Variants in DLG2 observed in about 807,000 individuals in gnomAD.
The protein encoded by DLG2 is discs large MAGUK scaffold protein 2.
DLG2 carries 45 observed loss-of-function variants against 132.5 expected under a neutral mutation model. The ratio of observed to expected loss-of-function variants is 0.34; its 90% CI spans 0.27 to 0.44. DLG2 has a LOEUF of 0.44. DLG2 is among the 20% of genes least tolerant of loss of function. DLG2 has a pLI of 1.00. For missense variants in DLG2, 1,045 were observed against 1,196.9 expected (o/e 0.87, Z 1.87); for synonymous variants, 424 against 419.6 (o/e 1.01, Z -0.13).
chr11:84,133,040 C>A (rs948332791), intron 9 of DLG2, among the ~76,000 whole-genome samples: 1 of 151,932 alleles, frequency 6.6e-6, no homozygotes, highest in African/African-American at 2.4e-5. Flanking sequence ...GACCAAAAGT[C>A]ATTGTAAATG....
At chr11:85,594,138 GA>G (rs1332033413) in intron 3 of DLG2, among the ~76,000 whole-genome samples, 1 of 152,004 alleles carries the variant, frequency 6.6e-6, no homozygotes, top group Non-Finnish European at 1.5e-5. Context: ...TTAGTAATAT[GA>G]AAAAAATGCT....
intron 6 of DLG2, among the ~76,000 whole-genome samples, chr11:84,840,341 C>T (rs1017812391): frequency 6.6e-6 from 1 of 152,120 alleles, no homozygotes; most frequent in Non-Finnish European, 1.5e-5. Flanking sequence ...CAGGAAACAA[C>T]AGGTGCTGGA....
At chr11:84,828,894 T>A (rs546628204) in intron 6 of DLG2, among the ~76,000 whole-genome samples, 1 of 151,840 alleles carries the variant, frequency 6.6e-6, no homozygotes, top group Admixed American at 6.6e-5. Context: ...GGCAGGACAG[T>A]CCCTATGTAC....
intron 3 of DLG2, among the ~76,000 whole-genome samples, chr11:85,538,831 G>A (rs1200865943): frequency 6.6e-6 from 1 of 151,648 alleles, no homozygotes. Flanking sequence ...TGCACACTGG[G>A]GCCTGTTGAG....
chr11:85,501,141 C>A (rs1374704026), intron 3 of DLG2, among the ~76,000 whole-genome samples: 3 of 152,126 alleles, frequency 2.0e-5, no homozygotes, highest in Non-Finnish European at 4.4e-5. Context: ...TGATCTTTGA[C>A]AAACCCGACA....
chr11:84,583,350 G>T (rs1397989812), intron 6 of DLG2, among the ~76,000 whole-genome samples: 1 of 152,156 alleles, frequency 6.6e-6, no homozygotes, highest in Non-Finnish European at 1.5e-5. Context: ...ATGAACAACT[G>T]CTTTGTTTGA....
intron 6 of DLG2, among the ~76,000 whole-genome samples, chr11:84,960,236 G>A (rs1421158614): frequency 6.6e-6 from 1 of 152,030 alleles, no homozygotes; most frequent in Admixed American, 6.6e-5. Context: ...AAGGTGAAAA[G>A]TCTTCCCCTT....
intron 3 of DLG2, among the ~76,000 whole-genome samples, chr11:85,404,702 A>C (rs146423371): frequency 2.0e-5 from 3 of 152,098 alleles, no homozygotes; most frequent in East Asian, 1.9e-4. Flanking sequence ...GTCAAATGTG[A>C]TCTCTGCACA....
At chr11:85,537,210 G>A (rs983378579) in intron 3 of DLG2, among the ~76,000 whole-genome samples, 24 of 152,180 alleles carry the variant, frequency 1.6e-4, no homozygotes, top group African/African-American at 5.3e-4. Context: ...TCTGTAAAAC[G>A]GACCAATCAG....
intron 7 of DLG2, among the ~76,000 whole-genome samples, chr11:84,381,781 T>G (rs1279060370): frequency 6.6e-6 from 1 of 152,156 alleles, no homozygotes; most frequent in African/African-American, 2.4e-5. Context: ...AGAAGGAATG[T>G]GGGAAAGCTT....
intron 11 of DLG2, among the ~76,000 whole-genome samples, chr11:84,053,962 T>A (rs1489737544): frequency 1.3e-5 from 2 of 149,594 alleles, no homozygotes; most frequent in Admixed American, 6.6e-5. Context: ...AAAAACATTT[T>A]AAAAAATAAT....
intron 6 of DLG2, among the ~76,000 whole-genome samples, chr11:84,558,840 G>A (rs1239496776): frequency 6.6e-6 from 1 of 152,034 alleles, no homozygotes; most frequent in Non-Finnish European, 1.5e-5. Flanking sequence ...CTATTCAATT[G>A]AAATGCAAAT....
chr11:85,523,730 T>C (rs1403239454), intron 3 of DLG2, among the ~76,000 whole-genome samples: 1 of 152,138 alleles, frequency 6.6e-6, no homozygotes, highest in Non-Finnish European at 1.5e-5. Flanking sequence ...CACTGCTGGG[T>C]ACATACCCAA....
intron 6 of DLG2, among the ~76,000 whole-genome samples, chr11:84,775,152 A>G (rs1328900779): frequency 6.6e-6 from 1 of 152,130 alleles, no homozygotes; most frequent in Non-Finnish European, 1.5e-5. Flanking sequence ...AAGAATACAT[A>G]CAAGCAGCCA....
At chr11:83,901,918 T>G (rs982535826) in intron 15 of DLG2, among the ~76,000 whole-genome samples, 1 of 152,224 alleles carries the variant, frequency 6.6e-6, no homozygotes, top group African/African-American at 2.4e-5. Context: ...ACACAATGTA[T>G]GTAGTATATA....
intron 18 of DLG2, among the ~76,000 whole-genome samples, chr11:83,718,862 T>C (rs781067224): frequency 2.6e-5 from 4 of 152,194 alleles, no homozygotes; most frequent in African/African-American, 7.2e-5. Flanking sequence ...TTGCATCTCC[T>C]AGCCCAATCC....
intron 6 of DLG2, among the ~76,000 whole-genome samples, chr11:84,972,931 C>G (rs920905238): frequency 1.3e-5 from 2 of 150,500 alleles, no homozygotes; most frequent in African/African-American, 2.4e-5. Flanking sequence ...TTTGGCCAAT[C>G]TAAGCCTCAG....
chr11:84,878,530 G>A (rs951592158), intron 6 of DLG2, among the ~76,000 whole-genome samples: 2 of 152,038 alleles, frequency 1.3e-5, no homozygotes, highest in Non-Finnish European at 2.9e-5. Flanking sequence ...CACAGGGAGG[G>A]GGACATCACA....
intron 6 of DLG2, among the ~76,000 whole-genome samples, chr11:84,630,888 G>A (rs1303012053): frequency 6.6e-6 from 1 of 151,904 alleles, no homozygotes; most frequent in African/African-American, 2.4e-5. Flanking sequence ...CAGCCAGTCA[G>A]AAGTATCACC....
Sources: allele counts gnomAD v4.1 joint callset (sites outside exome capture counted in the v4.1 genomes callset), GRCh38; gene constraint gnomAD v4.1.1; transcripts MANE v1.5; gene names NCBI Gene and HGNC (gene_info 2026-07-23, HGNC 2026-07-21).